The following MYO19 variants were observed in gnomAD, a reference collection of about 807,000 sequenced individuals.
MYO19 encodes unconventional myosin-XIX.
Under a neutral mutation model 129.2 loss-of-function variants are expected in MYO19, and 132 were observed. That is an observed-to-expected ratio of 1.02 (90% CI 0.89 to 1.18). The LOEUF is 1.18. Among genes scored for constraint, MYO19 ranks in the 50% most tolerant of loss-of-function variants. The pLI is 0.00. For synonymous variants in MYO19, 531 were observed against 477.2 expected (o/e 1.11, Z -1.47); for missense variants, 1,210 against 1,216.7 (o/e 0.99, Z 0.08).
At chr17:36,515,031 G>T in intron 8 of MYO19, 82 bp downstream of exon 8, 1 of 1,324,770 alleles carries the variant, frequency 7.5e-7, no homozygotes, top group Non-Finnish European at 1.0e-6. Flanking sequence ...CCATAGGGGT[G>T]GCCCAGGCCA....
intron 1 of MYO19, 179 bp downstream of exon 1, chr17:36,534,582 G>T (rs914379143): frequency 6.6e-6 from 1 of 152,310 alleles, no homozygotes; most frequent in Non-Finnish European, 1.5e-5. Flanking sequence ...GCCAAGAGCT[G>T]GGCTACCCCC....
intron 11 of MYO19, 159 bp downstream of exon 11, chr17:36,513,269 CT>C: frequency 6.7e-7 from 1 of 1,487,830 alleles, no homozygotes; most frequent in Non-Finnish European, 8.9e-7. Flanking sequence ...GGTCTCCAGA[CT>C]CAGCAGAACA....
At chr17:36,504,790 G>A in intron 19 of MYO19, 1 of 208,392 alleles carries the variant, frequency 4.8e-6, no homozygotes, top group Non-Finnish European at 1.0e-5. Context: ...GTGCATACCT[G>A]TAATTCCAGC....
chr17:36,507,184 TCAC>T, intron 16 of MYO19, 45 bp from the exon 17 acceptor site: 1 of 1,575,536 alleles, frequency 6.3e-7, no homozygotes, highest in Non-Finnish European at 8.6e-7. Flanking sequence ...TGAGAGTGTC[TCAC>T]CACAACCCTC....
intron 6 of MYO19, among the ~76,000 whole-genome samples, chr17:36,521,726 C>T (rs2142241877): frequency 1.3e-5 from 2 of 152,198 alleles, no homozygotes; most frequent in South Asian, 2.1e-4. Context: ...GCTCTCTCAA[C>T]AGCAATATAT....
chr17:36,532,503 G>C (rs888259596), intron 3 of MYO19, 24 bp downstream of exon 3: 3 of 1,553,848 alleles, frequency 1.9e-6, no homozygotes, highest in Non-Finnish European at 2.6e-6. Flanking sequence ...TGAGGGCCTG[G>C]GTTATCTAAG....
chr17:36,538,081 A>C, upstream of MYO19: 1 of 1,614,222 alleles, frequency 6.2e-7, no homozygotes, highest in Non-Finnish European at 8.5e-7. Context: ...TTATATATGC[A>C]TAAGAACCGA....
At chr17:36,518,552 A>ATATATG (rs1384289873) in intron 6 of MYO19, among the ~76,000 whole-genome samples, 5 of 78,918 alleles carry the variant, frequency 6.3e-5, no homozygotes, top group African/African-American at 2.6e-4. Flanking sequence ...ATATATATAT[A>ATATATG]TGTGTATGTG....
chr17:36,540,792 A>G (rs911247883), intron 2 of MYO19, among the ~76,000 whole-genome samples: 6 of 152,254 alleles, frequency 3.9e-5, no homozygotes, highest in African/African-American at 7.2e-5. Context: ...TTCTGTGGCC[A>G]TAGATTGTCT....
intron 2 of MYO19, among the ~76,000 whole-genome samples, chr17:36,540,977 T>C (rs994663734): frequency 2.0e-5 from 3 of 152,104 alleles, no homozygotes; most frequent in African/African-American, 7.2e-5. Context: ...CTTCAGAAAG[T>C]GACTCCCATA....
intron 9 of MYO19, 145 bp from the exon 10 acceptor site, chr17:36,513,870 A>G: frequency 1.5e-6 from 1 of 680,786 alleles, no homozygotes; most frequent in South Asian, 1.9e-5. Context: ...CACGGCAGGT[A>G]TGGGGGCAAA....
intron 11 of MYO19, chr17:36,512,697 C>T (rs1395285081): frequency 3.1e-6 from 4 of 1,289,210 alleles, no homozygotes; most frequent in Non-Finnish European, 4.0e-6. Context: ...AGGTGAGGGT[C>T]ACTTTCCACT....
upstream of MYO19, among the ~76,000 whole-genome samples, chr17:36,539,752 C>T (rs1484473001): frequency 1.3e-5 from 2 of 152,198 alleles, no homozygotes; most frequent in African/African-American, 2.4e-5. Flanking sequence ...TTCCTGATAC[C>T]TCAGAGCTTG....
intron 3 of MYO19, among the ~76,000 whole-genome samples, chr17:36,529,375 C>T (rs2073688237): frequency 6.6e-6 from 1 of 152,128 alleles, no homozygotes; most frequent in Non-Finnish European, 1.5e-5. Context: ...GGTCCCATTT[C>T]TCCTACTGTC....
chr17:36,538,899 A>G, upstream of MYO19: 1 of 275,424 alleles, frequency 3.6e-6, no homozygotes, highest in Admixed American at 5.0e-5. Context: ...CACTGTAGGC[A>G]TGTACCACCA....
intron 6 of MYO19, among the ~76,000 whole-genome samples, chr17:36,516,724 C>T (rs2072775892): frequency 6.6e-6 from 1 of 152,188 alleles, no homozygotes; most frequent in African/African-American, 2.4e-5. Context: ...GTGAGGTATA[C>T]TTTCATTTTA....
At chr17:36,518,554 G>GTATGTGTATATATATATATATATA (rs1212249190) in intron 6 of MYO19, among the ~76,000 whole-genome samples, 1 of 66,550 alleles carries the variant, frequency 1.5e-5, no homozygotes, top group African/African-American at 5.9e-5. Flanking sequence ...ATATATATAT[G>GTATGTGTATATATATATATATATA]TGTATGTGTA....
At chr17:36,531,062 C>T (rs937504309) in intron 3 of MYO19, among the ~76,000 whole-genome samples, 6 of 151,670 alleles carry the variant, frequency 4.0e-5, no homozygotes, top group Non-Finnish European at 7.4e-5. Flanking sequence ...GAGTGAGACT[C>T]CATCTCTAAA....
rs1567748793 is a variant in MYO19 at position 36,509,123 on chromosome 17, CCAGT to C, written c.1166_1169del (p.Asp389GlyfsTer5). The C allele has an allele frequency of 1.2e-6, 2 of 1,613,768 alleles. No homozygotes were observed. The highest frequency in any genetic ancestry group is 1.7e-6 in the Non-Finnish European group (2 of 1,179,798). ...TGCTGCTGTTGATCACTGATACCAG[CCAGT>C]CAAACAACCTGTTGGGGGAAGAGAG... On this transcript the variant is annotated frameshift_variant, in exon 14 of 26. Coordinates refer to ENST00000614623, the MANE Select transcript of MYO19 (RefSeq NM_001163735.2). LOFTEE classifies it high-confidence loss of function.
Sources: allele counts gnomAD v4.1 joint callset (sites outside exome capture counted in the v4.1 genomes callset), GRCh38; gene constraint gnomAD v4.1.1; transcripts MANE v1.5; gene names NCBI Gene and HGNC (gene_info 2026-07-23, HGNC 2026-07-21).